CCDC69: variants seen among roughly 807,000 people sequenced by gnomAD.
CCDC69 encodes coiled-coil domain-containing protein 69.
CCDC69 carries 38 observed loss-of-function variants against 40.3 expected under a neutral mutation model. The ratio of observed to expected loss-of-function variants is 0.94; its 90% confidence interval spans 0.73 to 1.24. The LOEUF (loss-of-function observed/expected upper bound fraction) is 1.24. Ranked by LOEUF, CCDC69 falls within the 50% of genes most tolerant of loss-of-function variation. CCDC69 has a pLI of 0.00. For synonymous variants in CCDC69, 141 were observed against 138.9 expected (o/e 1.02, Z -0.11); for missense variants, 389 against 357.9 (o/e 1.09, Z -0.70).
chr5:151,192,115 AG>A (rs145638306), intron 4 of CCDC69, among the ~76,000 whole-genome samples: 11 of 143,652 alleles, frequency 7.7e-5, no homozygotes, highest in Non-Finnish European at 1.2e-4. Flanking sequence ...AAGAATGAAA[AG>A]AAATAAAAAA....
At chr5:151,187,317 C>A in intron 5 of CCDC69, 69 bp downstream of exon 5, 9 of 1,426,436 alleles carry the variant, frequency 6.3e-6, no homozygotes, top group Non-Finnish European at 8.9e-6. Flanking sequence ...TGCCTTGGGG[C>A]TCCATGCTGC....
In CCDC69 at chr5:151,195,231, G is replaced by A. The variant is rs1752680569; in HGVS notation, c.319+3766C>T. ...ACAGGCAATCTCTTCTCCCCTGGGT[G>A]TTACAGTAGGAAATTCTTCTTATTA... On this transcript the variant is annotated intron_variant, in intron 4 of 8. Coordinates refer to ENST00000355417, the MANE Select transcript of CCDC69 (RefSeq NM_015621.3). 2.0e-5 allele frequency among the ~76,000 whole-genome samples: 3 copies of A among 152,184 alleles called. No individual in the cohort carries two copies. In the South Asian group the frequency reaches 6.2e-4, roughly 32 times the overall value.
rs186882053 is a variant in CCDC69 at position 151,185,047 on chromosome 5, T to C, written c.615+375A>G. Reference sequence around the variant, plus strand: ...TTTTTGTTAACTCCTTAGTTTTATTTTTTTAATTATAAGTTGTAAGGCACA... The same window carrying C: ...TTTTTGTTAACTCCTTAGTTTTATTCTTTTAATTATAAGTTGTAAGGCACA... On this transcript the variant is annotated intron_variant, in intron 7 of 8. Coordinates refer to ENST00000355417, the MANE Select transcript of CCDC69 (RefSeq NM_015621.3). The C allele has an allele frequency of 4.1e-3, 639 of 157,436 alleles. 6 individuals carry two copies. The highest frequency in any genetic ancestry group is 6.1e-3 in the Non-Finnish European group (435 of 71,638). The allele number at this position is 157,436 out of a possible 1,614,324, so 9.8% of individuals were successfully genotyped here. A position where few individuals can be genotyped will look rare whatever the true frequency, so the allele number is the denominator to read the frequency against.
At position 151,186,028 on chromosome 5, in the gene CCDC69, T is replaced by C. The variant is rs1274769432; in HGVS notation, c.490A>G (p.Ile164Val). Reference protein sequence around the residue: ...SILSRNYKKHIQDYGSPSQFW... With the variant: ...SILSRNYKKHVQDYGSPSQFW... ...CCCAGGGTGCTGCCACCTACCTGGATATGTTTCTTATAGTTTCGGCTCAGA... is the reference window on the plus strand; with the variant it reads ...CCCAGGGTGCTGCCACCTACCTGGACATGTTTCTTATAGTTTCGGCTCAGA... Residue 164 changes from isoleucine to valine, a missense_variant, in exon 6 of 9, where the codon ATC becomes GTC. Ile to Val is a conservative substitution (Grantham distance 29). Coordinates refer to ENST00000355417, the MANE Select transcript of CCDC69 (RefSeq NM_015621.3). 10 of 1,612,290 alleles carry C rather than the reference T, an allele frequency of 6.2e-6. No homozygotes were observed. Among genetic ancestry groups the C allele is most frequent in the Non-Finnish European group, 8.5e-6 (10 of 1,178,490 alleles).
At chr5:151,210,402 G>A (rs1010354095) in intron 1 of CCDC69, among the ~76,000 whole-genome samples, 3 of 151,976 alleles carry the variant, frequency 2.0e-5, no homozygotes, top group African/African-American at 7.3e-5. Flanking sequence ...AATTAGCCAG[G>A]CGGTAGTGGC....
chr5:151,209,052 G>C (rs9324684), intron 1 of CCDC69, among the ~76,000 whole-genome samples: 61,501 of 152,090 alleles, frequency 0.4, 14,354 homozygotes, highest in African/African-American at 0.65. Flanking sequence ...AACCAGGTGT[G>C]AGAATATCAG....
intron 1 of CCDC69, among the ~76,000 whole-genome samples, chr5:151,217,101 C>G (rs557727140): frequency 6.6e-6 from 1 of 152,090 alleles, no homozygotes; most frequent in Non-Finnish European, 1.5e-5. Context: ...GATAAATACT[C>G]GAGGTGATGA....
At chr5:151,194,630 T>C (rs966694076) in intron 4 of CCDC69, among the ~76,000 whole-genome samples, 18 of 152,112 alleles carry the variant, frequency 1.2e-4, no homozygotes, top group Admixed American at 1.0e-3. Flanking sequence ...CGCGGTGGCT[T>C]ACACCTGTAA....
intron 4 of CCDC69, among the ~76,000 whole-genome samples, chr5:151,190,665 CAAAA>C (rs35015191): frequency 7.5e-4 from 70 of 93,512 alleles, no homozygotes; most frequent in East Asian, 6.9e-3. Flanking sequence ...GACTCTGTCT[CAAAA>C]AAAAAAAAAA....
chr5:151,194,850 C>T (rs899651518), intron 4 of CCDC69, among the ~76,000 whole-genome samples: 8 of 147,774 alleles, frequency 5.4e-5, no homozygotes, highest in Admixed American at 4.1e-4. Flanking sequence ...CGAGATCACG[C>T]CACTGCACTC....
rs778912586 is a variant in CCDC69, at chr5:151,201,666, T to C, written c.147A>G (p.Ala49=). ...TCTGGTGCCGCTCAGCCTCCTCTGA[T>C]GCACAGAGCTGGACAGTTATAGCTA... ...GDTAITVQLC[A]SEEAERHQKD... Residue 49 remains alanine (A), a synonymous_variant, in exon 3 of 9, where the codon GCA becomes GCG. Transcript: ENST00000355417. 4 of 1,612,804 alleles carry C rather than the reference T, an allele frequency of 2.5e-6. No individual in the cohort carries two copies.
intron 2 of CCDC69, among the ~76,000 whole-genome samples, chr5:151,203,836 A>C (rs1486467811): frequency 2.7e-5 from 3 of 112,458 alleles, no homozygotes; most frequent in Non-Finnish European, 4.9e-5. Flanking sequence ...TATATATATA[A>C]AATATATATC....
intron 4 of CCDC69, among the ~76,000 whole-genome samples, chr5:151,194,328 C>T (rs1190040637): frequency 3.3e-5 from 5 of 152,094 alleles, no homozygotes; most frequent in Non-Finnish European, 5.9e-5. Context: ...AATATAACTC[C>T]ACAATGAAAA....
intron 3 of CCDC69, among the ~76,000 whole-genome samples, chr5:151,199,898 G>A (rs186303158): frequency 2.4e-4 from 37 of 152,244 alleles, no homozygotes; most frequent in African/African-American, 6.3e-4. Flanking sequence ...TGAAAAATGC[G>A]TCTAAGCTAA....
intron 3 of CCDC69, among the ~76,000 whole-genome samples, chr5:151,200,054 T>A (rs904227101): frequency 6.6e-6 from 1 of 152,082 alleles, no homozygotes; most frequent in African/African-American, 2.4e-5. Flanking sequence ...CCCCAGCAAG[T>A]CGACTGGGTG....
At chr5:151,202,570 C>T (rs927968761) in intron 2 of CCDC69, among the ~76,000 whole-genome samples, 16 of 152,182 alleles carry the variant, frequency 1.1e-4, no homozygotes, top group African/African-American at 3.6e-4. Context: ...ATAGTCTTCA[C>T]CTCCTGCTGT....
intron 1 of CCDC69, among the ~76,000 whole-genome samples, chr5:151,211,328 G>C (rs1752944027): frequency 6.6e-6 from 1 of 152,190 alleles, no homozygotes. Flanking sequence ...CTAGCCCAAA[G>C]GGCTCCTGAA....
In CCDC69 at chr5:151,185,482, G is replaced by A. The variant is rs528537699; in HGVS notation, c.555C>T (p.Ile185=). ...EQELESLHFV[I]EMKNERIHEL... The stretch of plus-strand genomic sequence containing the variant: ...CATGAATACGCTCATTCTTCATCTC[G>A]ATGACAAAGTGTAAGCTCTCCAGCT... The change falls in exon 7 of 9, where the codon ATC becomes ATT. Residue 185 remains isoleucine, a synonymous_variant. Transcript: ENST00000355417. 13 of 1,613,888 alleles carry A rather than the reference G, an allele frequency of 8.1e-6. No individual in the cohort carries two copies. Among genetic ancestry groups the A allele is most frequent in the African/African-American group, 6.7e-5 (5 of 75,022 alleles).
intron 2 of CCDC69, among the ~76,000 whole-genome samples, chr5:151,205,190 A>T (rs947637708): frequency 6.6e-6 from 1 of 152,176 alleles, no homozygotes; most frequent in East Asian, 1.9e-4. Context: ...AGAAACATAT[A>T]TAGCACTCTA....
Sources: allele counts gnomAD v4.1 joint callset (sites outside exome capture counted in the v4.1 genomes callset), GRCh38; gene constraint gnomAD v4.1.1; transcripts MANE v1.5; gene names NCBI Gene and HGNC (gene_info 2026-07-23, HGNC 2026-07-21).